The following DGAT2 variants were observed in gnomAD, a reference collection of about 807,000 sequenced individuals.
DGAT2 encodes the protein acyl-CoA retinol O-fatty-acyltransferase.
A neutral mutation model predicts 48.4 loss-of-function variants in DGAT2; 33 were observed. The observed-to-expected ratio is 0.68, with a 90% CI of 0.52 to 0.91. The LOEUF (loss-of-function observed/expected upper bound fraction) is 0.91. Ranked by LOEUF, DGAT2 falls within the 40% of genes least tolerant of loss-of-function variation. The pLI, the probability that DGAT2 is intolerant of heterozygous loss-of-function variation, is 0.00. For synonymous variants in DGAT2, 191 were observed against 194.1 expected, an observed-to-expected ratio of 0.98 and a Z score of 0.13; for missense variants, 446 against 493.7, an observed-to-expected ratio of 0.90 and a Z score of 0.92.
intron 1 of DGAT2, among the ~76,000 whole-genome samples, chr11:75,777,356 C>A (rs1944812723): frequency 6.6e-6 from 1 of 152,134 alleles, no homozygotes; most frequent in South Asian, 2.1e-4. Flanking sequence ...GAATCAGAGC[C>A]AGGGTTTGAA....
At chr11:75,799,142 C>CT (rs1354671125) in intron 7 of DGAT2, among the ~76,000 whole-genome samples, 1 of 152,200 alleles carries the variant, frequency 6.6e-6, no homozygotes, top group East Asian at 1.9e-4. Context: ...CTTTGCGTTC[C>CT]TAGGCCAGGT....
At chr11:75,774,500 A>G (rs1436038342) in intron 1 of DGAT2, among the ~76,000 whole-genome samples, 1 of 152,194 alleles carries the variant, frequency 6.6e-6, no homozygotes, top group Non-Finnish European at 1.5e-5. Flanking sequence ...TCTGCTTCCC[A>G]TGTGACCTTG....
At chr11:75,796,750 C>T in intron 5 of DGAT2, 1 of 575,906 alleles carries the variant, frequency 1.7e-6, no homozygotes, top group Non-Finnish European at 3.1e-6. Context: ...CCTAGGAGGC[C>T]TTCTTTGACC....
chr11:75,772,785 C>T (rs1245164312), intron 1 of DGAT2, among the ~76,000 whole-genome samples: 5 of 152,134 alleles, frequency 3.3e-5, no homozygotes, highest in African/African-American at 7.2e-5. Context: ...GTCAGGAGTT[C>T]GAGACCAGCC....
chr11:75,790,131 G>T, intron 2 of DGAT2, 57 bp from the exon 3 acceptor site: 1 of 1,280,410 alleles, frequency 7.8e-7, no homozygotes. Flanking sequence ...CATCCACCAT[G>T]GCCCAGAGGG....
intron 2 of DGAT2, among the ~76,000 whole-genome samples, chr11:75,789,895 G>A (rs939627916): frequency 3.3e-5 from 5 of 152,192 alleles, no homozygotes; most frequent in Non-Finnish European, 7.3e-5. Context: ...AGCTTCACAA[G>A]AAGCTGAAGC....
chr11:75,769,264 C>T, intron 1 of DGAT2, 152 bp downstream of exon 1: 1 of 1,001,670 alleles, frequency 1.0e-6, no homozygotes, highest in Non-Finnish European at 1.3e-6. Flanking sequence ...TTTCCACCCG[C>T]CCCCCAGCTT....
chr11:75,770,951 C>T (rs1944750734), intron 1 of DGAT2, among the ~76,000 whole-genome samples: 1 of 152,138 alleles, frequency 6.6e-6, no homozygotes, highest in East Asian at 1.9e-4. Context: ...ATTTTGTTAT[C>T]TGGGCATCTC....
intron 2 of DGAT2, among the ~76,000 whole-genome samples, chr11:75,788,175 C>A (rs560373004): frequency 1.6e-4 from 25 of 152,260 alleles, no homozygotes; most frequent in African/African-American, 5.8e-4. Context: ...CTGGAGCATC[C>A]ACCTAGAGGA....
At chr11:75,790,076 T>C (rs1378693592) in intron 2 of DGAT2, 112 bp from the exon 3 acceptor site, 6 of 784,740 alleles carry the variant, frequency 7.6e-6, no homozygotes, top group African/African-American at 1.7e-5. Flanking sequence ...CCCATGCCCA[T>C]GGCCCTGGGT....
chr11:75,784,564 C>T lies in DGAT2; in HGVS notation c.122-54C>T. 5 of 1,606,290 alleles carry T rather than the reference C, an allele frequency of 3.1e-6. No homozygotes were observed. The South Asian group carries it at 5.5e-5, about 18-fold the overall frequency. On this transcript the variant is annotated intron_variant, in intron 1 of 7. Coordinates refer to ENST00000228027, the MANE Select transcript of DGAT2 (RefSeq NM_032564.5). ...TGGGAGGTGAGGTTTGTACTGGGGA[C>T]CCCATGACTGGAGAGAAGGGTGACA...
chr11:75,782,882 G>A (rs765108526), intron 1 of DGAT2, among the ~76,000 whole-genome samples: 1 of 152,204 alleles, frequency 6.6e-6, no homozygotes, highest in Non-Finnish European at 1.5e-5. Flanking sequence ...CCCTGGGCTA[G>A]TCAGTGCCTG....
Position 75,784,679 on chromosome 11 carries a change from G to A in DGAT2, c.183G>A (p.Arg61=), listed in dbSNP as rs758171945. Residue 61 remains arginine, a synonymous_variant, in exon 2 of 8, where the codon AGG becomes AGA. Transcript: ENST00000228027. Reference sequence around the variant, plus strand: ...TCTTCTCTGTCACCTGGCTCAATAGGTCCAAGGTGGAAAAGCAGCTACAGG... The same window carrying A: ...TCTTCTCTGTCACCTGGCTCAATAGATCCAAGGTGGAAAAGCAGCTACAGG... ...QDLFSVTWLN[R]SKVEKQLQVI... is the part of the protein sequence containing the mutation. 1.9e-6 allele frequency: 3 copies of A among 1,614,108 alleles called. No individual in the cohort carries two copies. Among genetic ancestry groups the A allele is most frequent in the Middle Eastern group, 1.7e-4 (1 of 6,060 alleles).
chr11:75,790,430 G>C (rs571144265), intron 3 of DGAT2, 135 bp downstream of exon 3: 85 of 862,618 alleles, frequency 9.9e-5, no homozygotes, highest in African/African-American at 6.1e-4. Context: ...AGTCCTTTTG[G>C]GGGGAGGTTA....
intron 1 of DGAT2, among the ~76,000 whole-genome samples, chr11:75,778,259 C>T (rs1944821411): frequency 6.6e-6 from 1 of 152,174 alleles, no homozygotes; most frequent in African/African-American, 2.4e-5. Flanking sequence ...GGCTTTGTTC[C>T]AGCAGTTTCC....
At chr11:75,769,958 G>A (rs1401015890) in intron 1 of DGAT2, among the ~76,000 whole-genome samples, 1 of 152,044 alleles carries the variant, frequency 6.6e-6, no homozygotes, top group East Asian at 1.9e-4. Flanking sequence ...TTTTTCTTTA[G>A]TAACTAACGG....
At chr11:75,787,457 G>C (rs1944933728) in intron 2 of DGAT2, among the ~76,000 whole-genome samples, 1 of 152,236 alleles carries the variant, frequency 6.6e-6, no homozygotes, top group African/African-American at 2.4e-5. Flanking sequence ...TGCACCACAG[G>C]CCTCGTGGCT....
intron 1 of DGAT2, among the ~76,000 whole-genome samples, chr11:75,783,592 A>G (rs2135767438): frequency 6.6e-6 from 1 of 152,274 alleles, no homozygotes; most frequent in South Asian, 2.1e-4. Flanking sequence ...GGAATATTTA[A>G]TGGGCACACA....
intron 7 of DGAT2, 102 bp from the exon 8 acceptor site, chr11:75,800,252 C>T: frequency 1.4e-6 from 2 of 1,388,610 alleles, no homozygotes. Context: ...CAGTTCCTTC[C>T]ACATGGCGGG....
Sources: allele counts gnomAD v4.1 joint callset (sites outside exome capture counted in the v4.1 genomes callset), GRCh38; gene constraint gnomAD v4.1.1; transcripts MANE v1.5; gene names NCBI Gene and HGNC (gene_info 2026-07-23, HGNC 2026-07-21).